The following OR14I1 variants were observed in gnomAD, a reference collection of about 807,000 sequenced individuals.
OR14I1 encodes olfactory receptor 14I1.
For missense variants in OR14I1, 279 were observed against 181.8 expected, an observed-to-expected ratio of 1.53 and a Z score of -3.07; for synonymous variants, 118 against 71.1, an observed-to-expected ratio of 1.66 and a Z score of -3.32.
chr1:248,691,729 C>A, the OR14I1 span: 1 of 152,342 alleles, frequency 6.6e-6, no homozygotes, highest in Non-Finnish European at 1.5e-5. Flanking sequence ...ACTGTGGAGG[C>A]CGACGCATGC....
chr1:248,689,688 G>A, the OR14I1 span, among the ~76,000 whole-genome samples: 1 of 152,086 alleles, frequency 6.6e-6, no homozygotes, highest in Non-Finnish European at 1.5e-5. Flanking sequence ...AAATTAACAG[G>A]CCTATTCAGG....
At chr1:248,693,697 C>T in the OR14I1 span, among the ~76,000 whole-genome samples, 2 of 151,716 alleles carry the variant, frequency 1.3e-5, no homozygotes, top group African/African-American at 4.8e-5. Context: ...TTTCCCCATC[C>T]TCTGTCTTCT....
chr1:248,681,409 A>G (rs780678382), exon 1 of OR14I1: 2 of 777,768 alleles, frequency 2.6e-6, no homozygotes, highest in Non-Finnish European at 4.8e-6. Context: ...GAGTCTCCAC[A>G]TGGCTGTTTT....
chr1:248,686,206 T>C (rs902111343), upstream of OR14I1, among the ~76,000 whole-genome samples: 2 of 152,194 alleles, frequency 1.3e-5, no homozygotes, highest in Non-Finnish European at 2.9e-5. Flanking sequence ...GTAATAAGAT[T>C]AAAAGAGACC....
At chr1:248,697,490 A>C in the OR14I1 span, among the ~76,000 whole-genome samples, 3 of 151,814 alleles carry the variant, frequency 2.0e-5, no homozygotes, top group Non-Finnish European at 4.4e-5. Context: ...AAAAAAAAAA[A>C]AAAAAAAAAC....
the OR14I1 span, among the ~76,000 whole-genome samples, chr1:248,693,243 G>T: frequency 9.3e-4 from 141 of 152,152 alleles, no homozygotes; most frequent in African/African-American, 3.3e-3. Context: ...GACTGTTCCT[G>T]CTCCCACGTC....
downstream of OR14I1, among the ~76,000 whole-genome samples, chr1:248,679,617 C>A (rs1228390600): frequency 6.6e-6 from 1 of 152,144 alleles, no homozygotes; most frequent in Admixed American, 6.5e-5. Context: ...ACCTCAAGAA[C>A]CCTGAGTAGT....
At chr1:248,700,038 G>A in the OR14I1 span, among the ~76,000 whole-genome samples, 1 of 152,152 alleles carries the variant, frequency 6.6e-6, no homozygotes, top group South Asian at 2.1e-4. Context: ...GGGATTTCAG[G>A]CCTGAGCCAC....
chr1:248,693,894 C>G, the OR14I1 span, among the ~76,000 whole-genome samples: 1 of 142,488 alleles, frequency 7.0e-6, no homozygotes, highest in Non-Finnish European at 1.5e-5. Flanking sequence ...AAGTCCAGAA[C>G]TTTTTAAAAA....
At chr1:248,683,749 C>G (rs936566251), upstream of OR14I1, among the ~76,000 whole-genome samples, 1 of 152,226 alleles carries the variant, frequency 6.6e-6, no homozygotes, top group African/African-American at 2.4e-5. Context: ...GAATTGCACT[C>G]TTGGCAAAGC....
At chr1:248,692,905 T>C in the OR14I1 span, 3 of 152,220 alleles carry the variant, frequency 2.0e-5, no homozygotes, top group Admixed American at 1.3e-4. Flanking sequence ...TGTTTGTCTG[T>C]CTTTCTCCAG....
At chr1:248,680,180 A>G (rs907857058), downstream of OR14I1, among the ~76,000 whole-genome samples, 2 of 152,260 alleles carry the variant, frequency 1.3e-5, no homozygotes, top group African/African-American at 2.4e-5. Context: ...ATAAACATCT[A>G]TTACATTGAT....
upstream of OR14I1, among the ~76,000 whole-genome samples, chr1:248,684,200 G>A (rs1661606546): frequency 6.6e-6 from 1 of 152,298 alleles, no homozygotes; most frequent in East Asian, 1.9e-4. Flanking sequence ...TCAGAAAACT[G>A]GAAAGCTAAT....
At chr1:248,694,347 A>C in the OR14I1 span, among the ~76,000 whole-genome samples, 4 of 152,178 alleles carry the variant, frequency 2.6e-5, no homozygotes, top group African/African-American at 9.7e-5. Context: ...TAATTGTGTA[A>C]CTGTAAAAAT....
the OR14I1 span, chr1:248,698,978 A>T: frequency 2.0e-5 from 3 of 152,222 alleles, no homozygotes; most frequent in Non-Finnish European, 4.4e-5. Context: ...CAAATCAGCC[A>T]TCAGAAATGG....
the OR14I1 span, among the ~76,000 whole-genome samples, chr1:248,698,030 A>G: frequency 6.6e-6 from 1 of 152,212 alleles, no homozygotes. Flanking sequence ...CACGAAATGC[A>G]GTGGGCTGAG....
At chr1:248,689,938 C>A in the OR14I1 span, among the ~76,000 whole-genome samples, 1 of 152,206 alleles carries the variant, frequency 6.6e-6, no homozygotes, top group Non-Finnish European at 1.5e-5. Context: ...CAGCACCACA[C>A]AACTACATGG....
the OR14I1 span, among the ~76,000 whole-genome samples, chr1:248,697,971 T>C: frequency 6.6e-6 from 1 of 152,196 alleles, no homozygotes; most frequent in Admixed American, 6.5e-5. Context: ...TCTAAATTAA[T>C]TGAAGACATT....
At chr1:248,687,231 G>C (rs965076020), upstream of OR14I1, among the ~76,000 whole-genome samples, 3 of 152,192 alleles carry the variant, frequency 2.0e-5, no homozygotes, top group African/African-American at 7.2e-5. Context: ...CTTCGATAAA[G>C]TACAAAACCC....
Sources: gnomAD v4.1 joint callset for allele counts (sites outside exome capture counted in the v4.1 genomes callset) on GRCh38, gnomAD v4.1.1 for gene constraint, MANE v1.5 for transcripts, NCBI Gene and HGNC (gene_info 2026-07-23, HGNC 2026-07-21) for gene names.